Variants in DIS3 observed in about 807,000 individuals in gnomAD.
DIS3 encodes DIS3 exosome endoribonuclease and 3'-5' exoribonuclease.
DIS3 carries 103 observed loss-of-function variants against 113.0 expected under a neutral mutation model. The ratio of observed to expected loss-of-function variants is 0.91; its 90% CI spans 0.78 to 1.07. The LOEUF (loss-of-function observed/expected upper bound fraction) is 1.07, where lower values mean the gene tolerates loss of function less well. Ranked by LOEUF, DIS3 falls within the 50% of genes least tolerant of loss-of-function variation. The pLI, the probability that DIS3 is intolerant of heterozygous loss-of-function variation, is 0.00. For missense variants in DIS3, 1,121 were observed against 1,167.1 expected (o/e 0.96, Z 0.58); for synonymous variants, 402 against 394.3 (o/e 1.02, Z -0.23).
At position 72,773,957 on chromosome 13, in the gene DIS3, C is replaced by T; in HGVS notation, c.1090G>A (p.Asp364Asn). 6.2e-7 allele frequency: 1 copy of T among 1,608,214 alleles called. No individual in the cohort carries two copies. The highest frequency in any genetic ancestry group is 8.5e-7 in the Non-Finnish European group (1 of 1,178,144). ...RPYCGMLSKS[D>N]IKESRRHLFT... ...TGCTCTTTACTCACCTCCTTAATGTCAGACTTGGAAAGCATGCCACAATAT... is the reference window on the plus strand; with the variant it reads ...TGCTCTTTACTCACCTCCTTAATGTTAGACTTGGAAAGCATGCCACAATAT... Residue 364 changes from aspartate to asparagine, a missense_variant, in exon 7 of 21, where the codon GAC becomes AAC. Around this residue, in one of 3 missense-constraint regions of DIS3, gnomAD observed 861 missense variants for 915.5 expected, o/e 0.94. Transcript: ENST00000377767.
chr13:72,778,384 A>C lies in DIS3; in HGVS notation c.387-4T>G. On this transcript the variant is annotated splice_region_variant and splice_polypyrimidine_tract_variant and intron_variant, in intron 2 of 20. Transcript: ENST00000377767. ...TTCTTGTTCTACATAGGTTTCTCTAAATGGAAAGAAAAAACGAAATAAAAG... is the reference window on the plus strand; with the variant it reads ...TTCTTGTTCTACATAGGTTTCTCTACATGGAAAGAAAAAACGAAATAAAAG... 2 of 1,537,908 alleles carry C rather than the reference A, an allele frequency of 1.3e-6. No individual in the cohort carries two copies. The highest frequency in any genetic ancestry group is 1.8e-6 in the Non-Finnish European group (2 of 1,129,452).
intron 4 of DIS3, 128 bp from the exon 5 acceptor site, chr13:72,776,220 G>T: frequency 1.1e-6 from 1 of 872,560 alleles, no homozygotes; most frequent in Non-Finnish European, 1.6e-6. Flanking sequence ...TAGGAGAGAA[G>T]ATAGCAGTGT....
chr13:72,761,051 T>TA (rs1423920788), intron 19 of DIS3, among the ~76,000 whole-genome samples: 2 of 151,108 alleles, frequency 1.3e-5, no homozygotes, highest in Admixed American at 1.3e-4. Context: ...GAAGTAAGTT[T>TA]AAAAAAAAAG....
rs1253290005 is a variant in DIS3 at position 72,763,444 on chromosome 13, A to ACCTTAC, written c.2127+1_2127+6dup. On this transcript the variant is annotated splice_region_variant and intron_variant, in intron 16 of 20. Coordinates refer to ENST00000377767, the MANE Select transcript of DIS3 (RefSeq NM_014953.5). Reference sequence around the variant, plus strand: ...AATAGATGATTTTTCAAACTGTAGGACCTTACCCTTGACCTGGCTGCCTTA... The same window carrying ACCTTAC: ...AATAGATGATTTTTCAAACTGTAGGACCTTACCCTTACCCTTGACCTGGCTGCCTTA... The ACCTTAC allele has an allele frequency of 6.2e-7, 1 of 1,610,870 alleles. No homozygotes were observed.
rs986665116 is a variant in DIS3 at position 72,755,931 on chromosome 13, G to A, written c.*3864C>T. 7.5e-6 allele frequency: 3 copies of A among 398,528 alleles called. No homozygotes were observed. The highest frequency in any genetic ancestry group is 1.3e-5 in the Non-Finnish European group (3 of 226,088). The allele number at this position is 398,528 out of a possible 1,614,324, so 24.7% of individuals were successfully genotyped here. Reference sequence around the variant, plus strand: ...TTCCAGCTCAAACGTGGGTAGGGATGTGGGAGAATAAGAATGTGGGAGAAC... The same window carrying A: ...TTCCAGCTCAAACGTGGGTAGGGATATGGGAGAATAAGAATGTGGGAGAAC... On this transcript the variant is annotated 3_prime_UTR_variant, in exon 21 of 21. Transcript: ENST00000377767.
intron 19 of DIS3, among the ~76,000 whole-genome samples, chr13:72,760,970 T>C (rs1312966906): frequency 6.6e-6 from 1 of 152,136 alleles, no homozygotes; most frequent in Admixed American, 6.5e-5. Flanking sequence ...AGTTTATTGT[T>C]CAAATATTCT....
chr13:72,753,687 CAGAT>C lies in DIS3; in HGVS notation c.*6104_*6107del. On this transcript the variant is annotated 3_prime_UTR_variant, in exon 21 of 21. Transcript: ENST00000377767. Reference sequence around the variant, plus strand: ...TATATTTTTTTCTTTTTTCTCCTGTCAGATGGATAGTGGCTATAATACGCAGAAT... The same window carrying C: ...TATATTTTTTTCTTTTTTCTCCTGTCGGATAGTGGCTATAATACGCAGAAT... 6.2e-7 allele frequency: 1 copy of C among 1,601,706 alleles called. No homozygotes were observed. The highest frequency in any genetic ancestry group is 8.5e-7 in the Non-Finnish European group (1 of 1,175,346).
At chr13:72,774,097 C>G in intron 6 of DIS3, 38 bp from the exon 7 acceptor site, 2 of 1,413,384 alleles carry the variant, frequency 1.4e-6, no homozygotes, top group Non-Finnish European at 1.9e-6. Flanking sequence ...TTATATTCCT[C>G]TAAGTATTAT....
Position 72,761,913 on chromosome 13 carries a change from G to A in DIS3, c.2342+10C>T, listed in dbSNP as rs758367643. ...TTTCTATCTCCTTTAATTTCATAAGGAAAAAATACCTTCTAATGGGTGAAG... is the reference window on the plus strand; with the variant it reads ...TTTCTATCTCCTTTAATTTCATAAGAAAAAAATACCTTCTAATGGGTGAAG... On this transcript the variant is annotated intron_variant, in intron 17 of 20. Coordinates refer to ENST00000377767, the MANE Select transcript of DIS3 (RefSeq NM_014953.5). 22 of 1,613,416 alleles carry A rather than the reference G, an allele frequency of 1.4e-5. No individual in the cohort carries two copies. The highest frequency in any genetic ancestry group is 1.9e-5 in the Non-Finnish European group (22 of 1,179,924).
intron 4 of DIS3, among the ~76,000 whole-genome samples, chr13:72,777,182 T>C (rs1030467914): frequency 2.0e-4 from 30 of 152,202 alleles, no homozygotes; most frequent in African/African-American, 7.2e-4. Flanking sequence ...AACCAAACAG[T>C]GCTACCAGGT....
intron 4 of DIS3, 89 bp downstream of exon 4, chr13:72,777,331 C>G: frequency 7.7e-7 from 1 of 1,296,634 alleles, no homozygotes; most frequent in Middle Eastern, 2.0e-4. Flanking sequence ...CACCGACATT[C>G]CAATTTTTAA....
At chr13:72,773,854 A>C (rs1223439990) in intron 7 of DIS3, 33 bp from the exon 8 acceptor site, 5 of 1,597,112 alleles carry the variant, frequency 3.1e-6, no homozygotes, top group South Asian at 2.3e-5. Context: ...ATTTTACACA[A>C]AAAAAATCTG....
At position 72,753,665 on chromosome 13, in the gene DIS3, AT is replaced by A; in HGVS notation, c.*6129del. 6.3e-7 allele frequency: 1 copy of A among 1,598,826 alleles called. No homozygotes were observed. The highest frequency in any genetic ancestry group is 8.5e-7 in the Non-Finnish European group (1 of 1,173,364). ...TTGACTTTTAAGTTCCTCACAATATATTTTTTTCTTTTTTCTCCTGTCAGAT... is the reference window on the plus strand; with the variant it reads ...TTGACTTTTAAGTTCCTCACAATATATTTTTTCTTTTTTCTCCTGTCAGAT... On this transcript the variant is annotated 3_prime_UTR_variant, in exon 21 of 21. Transcript: ENST00000377767.
rs1193246957 is a variant in DIS3 at position 72,772,548 on chromosome 13, A to G, written c.1386+145T>C. 9.9e-6 allele frequency: 9 copies of G among 912,406 alleles called. No individual in the cohort carries two copies. The East Asian group carries it at 1.1e-4, about 11-fold the overall frequency. 56.5% of individuals were successfully genotyped at this position (912,406 alleles called of 1,614,324 possible). A position where few individuals can be genotyped will look rare whatever the true frequency, so the allele number is the denominator to read the frequency against. ...AATGAAGAAGCAAATGACTTCTTCTATAATTCCTAAGAATGCTATACCCAA... is the reference window on the plus strand; with the variant it reads ...AATGAAGAAGCAAATGACTTCTTCTGTAATTCCTAAGAATGCTATACCCAA... On this transcript the variant is annotated intron_variant, in intron 9 of 20. Transcript: ENST00000377767.
intron 15 of DIS3, 125 bp from the exon 16 acceptor site, chr13:72,763,732 T>C (rs1363761066): frequency 1.1e-6 from 1 of 887,342 alleles, no homozygotes; most frequent in African/African-American, 1.7e-5. Context: ...TAAACATTCA[T>C]ATGTGTGTGT....
chr13:72,759,357 T>A lies in DIS3; in HGVS notation c.*438A>T. 4.7e-6 allele frequency: 1 copy of A among 215,044 alleles called. No homozygotes were observed. The highest frequency in any genetic ancestry group is 9.4e-6 in the Non-Finnish European group (1 of 106,754). The allele number at this position is 215,044 out of a possible 1,614,324, so 13.3% of individuals were successfully genotyped here. A position where few individuals can be genotyped will look rare whatever the true frequency, so the allele number is the denominator to read the frequency against. On this transcript the variant is annotated 3_prime_UTR_variant, in exon 21 of 21. Transcript: ENST00000377767. ...GCAAAGGAGATTACATCCTCAACAC[T>A]GACAGCTTCCAAGACTTAGAAAAGA...
chr13:72,774,021 T>G lies in DIS3; in HGVS notation c.1026A>C (p.Thr342=). 2 of 1,610,080 alleles carry G rather than the reference T, an allele frequency of 1.2e-6. No individual in the cohort carries two copies. The highest frequency in any genetic ancestry group is 1.7e-6 in the Non-Finnish European group (2 of 1,179,104). The part of the protein sequence containing the change: ...TAVSEKMLKP[T]GRVVGIIKRN... ...TTTTTATTATTCCTACAACTCTACCTGTAGGCTTCAACATTTTCTCGCTTA... is the reference window on the plus strand; with the variant it reads ...TTTTTATTATTCCTACAACTCTACCGGTAGGCTTCAACATTTTCTCGCTTA... Residue 342 remains threonine (T), a synonymous_variant, in exon 7 of 21, where the codon ACA becomes ACC. Coordinates refer to ENST00000377767, the MANE Select transcript of DIS3 (RefSeq NM_014953.5).
In DIS3 at chr13:72,777,489, T is replaced by C. The variant is rs764813256; in HGVS notation, c.585A>G (p.Glu195=). The C allele has an allele frequency of 2.5e-6, 4 of 1,613,902 alleles. No homozygotes were observed. Among genetic ancestry groups the C allele is most frequent in the Admixed American group, 3.3e-5 (2 of 60,012 alleles). The part of the protein sequence containing the change: ...IEEGIPAFTC[E]EYVKSLTANP... Reference sequence around the variant, plus strand: ...TAGCAGTTAGGCTCTTTACATATTCTTCACCTGAAAAAATAAGTTTATGTT... The same window carrying C: ...TAGCAGTTAGGCTCTTTACATATTCCTCACCTGAAAAAATAAGTTTATGTT... The change falls in exon 4 of 21, where the codon GAA becomes GAG. Residue 195 remains glutamate (E), a synonymous_variant. Coordinates refer to ENST00000377767, the MANE Select transcript of DIS3 (RefSeq NM_014953.5).
intron 19 of DIS3, 94 bp downstream of exon 19, chr13:72,761,269 C>T (rs1001560818): frequency 6.9e-7 from 1 of 1,455,638 alleles, no homozygotes; most frequent in Non-Finnish European, 9.1e-7. Context: ...CTTCAGGGTA[C>T]AAAAAATAAT....
Sources: allele counts gnomAD v4.1 joint callset (sites outside exome capture counted in the v4.1 genomes callset), GRCh38; gene constraint gnomAD v4.1.1; regional missense constraint gnomAD v4.1.1; transcripts MANE v1.5; gene names NCBI Gene and HGNC (gene_info 2026-07-23, HGNC 2026-07-21).